Variants in TFIP11 observed in about 807,000 individuals in gnomAD.
TFIP11 encodes the protein tuftelin interacting protein 11.
TFIP11 carries 86 observed loss-of-function variants against 96.8 expected under a neutral mutation model. The observed-to-expected ratio is 0.89, with a 90% CI of 0.75 to 1.06. The LOEUF is 1.06. Among genes scored for constraint, TFIP11 ranks in the 50% least tolerant of loss-of-function variants. The probability of loss-of-function intolerance (pLI) is 0.00; values close to 1 mark genes in which losing one functional copy is unlikely to be tolerated. For missense variants in TFIP11, 881 were observed against 1,076.7 expected, an observed-to-expected ratio of 0.82 and a Z score of 2.54; for synonymous variants, 405 against 395.2, an observed-to-expected ratio of 1.02 and a Z score of -0.29.
chr22:26,496,207 C>G lies in TFIP11; in HGVS notation c.1715G>C (p.Ser572Thr). 1 of 1,614,008 alleles carries G rather than the reference C, an allele frequency of 6.2e-7. No individual in the cohort carries two copies. The highest frequency in any genetic ancestry group is 1.3e-5 in the African/African-American group (1 of 75,040). ...CTTCTGCAGGGCGCTGGACAGCTTA[C>G]TACGGATGGGGGAATAGAGTGGCTC... is the stretch of plus-strand genomic sequence containing the variant. ...RLEPLYSPIRSKLSSALQKWH... is the reference protein window; with the variant it reads ...RLEPLYSPIRTKLSSALQKWH... The change falls in exon 12 of 15, where the codon AGT (serine) becomes ACT (threonine). Residue 572 changes from serine (S) to threonine (T), a missense_variant. Ser to Thr is a moderately conservative substitution (Grantham distance 58, BLOSUM62 1). Coordinates refer to ENST00000407690, the MANE Select transcript of TFIP11 (RefSeq NM_012143.4).
intron 11 of TFIP11, 141 bp from the exon 12 acceptor site, chr22:26,496,457 A>AT: frequency 8.4e-7 from 1 of 1,189,818 alleles, no homozygotes; most frequent in Non-Finnish European, 1.2e-6. Context: ...TTGCCAAACA[A>AT]ATATGCCCAT....
chr22:26,498,500 G>A (rs1465914046), intron 10 of TFIP11, among the ~76,000 whole-genome samples: 4 of 141,792 alleles, frequency 2.8e-5, no homozygotes, highest in Admixed American at 7.5e-5. Flanking sequence ...CTGCGATCAC[G>A]CCACTGCACT....
At chr22:26,509,495 T>C (rs1923798671) in intron 4 of TFIP11, among the ~76,000 whole-genome samples, 1 of 152,218 alleles carries the variant, frequency 6.6e-6, no homozygotes, top group South Asian at 2.1e-4. Flanking sequence ...GTCTGGGCTC[T>C]AGGAAGGCAA....
intron 4 of TFIP11, among the ~76,000 whole-genome samples, chr22:26,508,349 A>G (rs568867154): frequency 3.9e-5 from 6 of 152,324 alleles, no homozygotes; most frequent in African/African-American, 1.4e-4. Flanking sequence ...TAAAATGGGG[A>G]CAATAATGGT....
chr22:26,504,354 CCT>C (rs1602219937), intron 6 of TFIP11, among the ~76,000 whole-genome samples: 2 of 152,102 alleles, frequency 1.3e-5, no homozygotes, highest in South Asian at 2.1e-4. Flanking sequence ...AAGACGTTCC[CCT>C]GACTCCAAAT....
rs201334248 is a variant in TFIP11 at position 26,499,261 on chromosome 22, C to T, written c.1172G>A (p.Cys391Tyr). 2 of 1,613,858 alleles carry T rather than the reference C, an allele frequency of 1.2e-6. No individual in the cohort carries two copies. Among genetic ancestry groups the T allele is most frequent in the East Asian group, 2.2e-5 (1 of 44,884 alleles). The change falls in exon 9 of 15, where the codon TGC becomes TAC. Residue 391 changes from cysteine to tyrosine, a missense_variant. Physicochemically the swap from Cys to Tyr is radical, Grantham distance 194 (BLOSUM62 -2). Transcript: ENST00000407690. ...EECERRMQPD[C>Y]SNPLTLDECA... ...CTCGTCCAGGGTGAGGGGGTTGCTG[C>T]AGTCGGGCTGCATCCGCCGCTCGCA... is the stretch of plus-strand genomic sequence containing the variant.
chr22:26,498,534 T>TC (rs1922347373), intron 10 of TFIP11, among the ~76,000 whole-genome samples: 1 of 110,450 alleles, frequency 9.1e-6, no homozygotes, highest in Non-Finnish European at 1.7e-5. Context: ...AGAGTGAGAC[T>TC]CCATCTCAAA....
chr22:26,494,225 G>A lies in TFIP11; in HGVS notation c.2072C>T (p.Ser691Leu), dbSNP rs1569155764. Reference protein sequence around the residue: ...KWYLGWKSMFSDQVLAHPSVK... With the variant: ...KWYLGWKSMFLDQVLAHPSVK... The stretch of plus-strand genomic sequence containing the variant: ...AGATGGATGTGCCAGCACTTGGTCT[G>A]AGAACATCGACTTCCAACCCAGGTA... Residue 691 changes from serine (S) to leucine (L), a missense_variant, in exon 14 of 15, where the codon TCA (serine) becomes TTA (leucine). By Grantham distance (145) the Ser-to-Leu change is moderately radical (BLOSUM62 -2). Coordinates refer to ENST00000407690, the MANE Select transcript of TFIP11 (RefSeq NM_012143.4). 5 of 1,614,246 alleles carry A rather than the reference G, an allele frequency of 3.1e-6. No homozygotes were observed. Among genetic ancestry groups the A allele is most frequent in the Non-Finnish European group, 4.2e-6 (5 of 1,180,042 alleles).
Position 26,496,144 on chromosome 22 carries a change from T to A in TFIP11, c.1778A>T (p.Gln593Leu). 1 of 1,613,930 alleles carries A rather than the reference T, an allele frequency of 6.2e-7. No homozygotes were observed. The highest frequency in any genetic ancestry group is 8.5e-7 in the Non-Finnish European group (1 of 1,180,018). The change falls in exon 12 of 15, where the codon CAG (glutamine) becomes CTG (leucine). Residue 593 changes from glutamine to leucine, a missense_variant. Transcript: ENST00000407690. ...PSDSSAKLILQPWKDVFTPGS... is the reference protein window; with the variant it reads ...PSDSSAKLILLPWKDVFTPGS... Reference sequence around the variant, plus strand: ...AGGAGTGAAGACATCCTTCCAGGGCTGGAGGATGAGCTTGGCAGAGGAGTC... The same window carrying A: ...AGGAGTGAAGACATCCTTCCAGGGCAGGAGGATGAGCTTGGCAGAGGAGTC...
chr22:26,502,234 C>A, intron 7 of TFIP11, 182 bp from the exon 8 acceptor site: 1 of 658,840 alleles, frequency 1.5e-6, no homozygotes, highest in Non-Finnish European at 2.5e-6. Context: ...ACTCCTTGAC[C>A]CCATTCGCCC....
chr22:26,494,022 G>C (rs375844287), intron 14 of TFIP11, 117 bp downstream of exon 14: 10 of 1,191,184 alleles, frequency 8.4e-6, no homozygotes, highest in African/African-American at 4.6e-5. Context: ...ATGTGCAAAA[G>C]TGTGACCTAA....
rs1238566452 is a variant in TFIP11, at chr22:26,492,212, T to C, written c.2315A>G (p.Asn772Ser). The change falls in exon 15 of 15, where the codon AAC (asparagine) becomes AGC (serine). Residue 772 changes from asparagine to serine, a missense_variant. By Grantham distance (46) the Asn-to-Ser change is conservative. Transcript: ENST00000407690. ...IGVAASSVPM[N>S]FKDLIETKAE... ...CTTGGTCTCAATGAGGTCCTTAAAG[T>C]TCATGGGCACAGAGCTAGCGGCCAC... 1 of 1,614,112 alleles carries C rather than the reference T, an allele frequency of 6.2e-7. No homozygotes were observed. The highest frequency in any genetic ancestry group is 8.5e-7 in the Non-Finnish European group (1 of 1,180,036).
At chr22:26,495,440 G>T (rs1385203098) in intron 12 of TFIP11, among the ~76,000 whole-genome samples, 1 of 151,482 alleles carries the variant, frequency 6.6e-6, no homozygotes, top group Admixed American at 6.6e-5. Flanking sequence ...ACCACACCTG[G>T]CTGGTTTGTA....
intron 10 of TFIP11, among the ~76,000 whole-genome samples, 189 bp from the exon 11 acceptor site, chr22:26,497,078 C>T (rs1294427493): frequency 2.0e-5 from 3 of 152,184 alleles, no homozygotes; most frequent in Admixed American, 6.5e-5. Context: ...TCTTGACTCT[C>T]CTCTCAATCT....
At chr22:26,495,036 A>T in intron 12 of TFIP11, 97 bp from the exon 13 acceptor site, 1 of 1,531,656 alleles carries the variant, frequency 6.5e-7, no homozygotes, top group Non-Finnish European at 8.8e-7. Context: ...ATCTCAGCTT[A>T]CAGCAACCTC....
rs751412902 is a variant in TFIP11 at position 26,496,724 on chromosome 22, C to T, written c.1602G>A (p.Lys534=). The T allele has an allele frequency of 5.6e-6, 9 of 1,613,756 alleles. No homozygotes were observed. The highest frequency in any genetic ancestry group is 7.6e-6 in the Non-Finnish European group (9 of 1,179,784). Residue 534 remains lysine (K), a synonymous_variant, in exon 11 of 15, where the codon AAG becomes AAA. Transcript: ENST00000407690. ...TTTCCCATGACTCTCATCCCACCTC[C>T]TTTTGCAGCTTGGGGAAGATGAGTT... is the stretch of plus-strand genomic sequence containing the variant. ...LDQLIFPKLQ[K]EVENWNPLTD... is the part of the protein sequence containing the mutation.
intron 7 of TFIP11, among the ~76,000 whole-genome samples, chr22:26,502,306 A>T (rs1167047026): frequency 2.0e-5 from 3 of 152,214 alleles, no homozygotes; most frequent in Admixed American, 1.3e-4. Flanking sequence ...ACAAAAATAA[A>T]GATAAACGAA....
chr22:26,506,703 G>C, intron 5 of TFIP11, 72 bp downstream of exon 5: 2 of 1,569,742 alleles, frequency 1.3e-6, no homozygotes, highest in Non-Finnish European at 1.7e-6. Context: ...TTTCTCCCTG[G>C]CTAGAAAATG....
rs569185412 is a variant in TFIP11, at chr22:26,499,487, C to A, written c.946G>T (p.Ala316Ser). ...SGKEAKAPGF[A>S]LPELEHNLQL... is the part of the protein sequence containing the mutation. The stretch of plus-strand genomic sequence containing the variant: ...AGGTTGTGCTCCAGCTCGGGCAGCG[C>A]GAAGCCGGGGGCCTTGGCCTCTTTG... The change falls in exon 9 of 15, where the codon GCG becomes TCG. Residue 316 changes from alanine to serine, a missense_variant. Ala to Ser is a moderately conservative substitution (Grantham distance 99). Coordinates refer to ENST00000407690, the MANE Select transcript of TFIP11 (RefSeq NM_012143.4). 1.2e-6 allele frequency: 2 copies of A among 1,614,068 alleles called. No homozygotes were observed. The highest frequency in any genetic ancestry group is 2.2e-5 in the East Asian group (1 of 44,906).
Sources: gnomAD v4.1 joint callset for allele counts (sites outside exome capture counted in the v4.1 genomes callset) on GRCh38, gnomAD v4.1.1 for gene constraint, MANE v1.5 for transcripts, NCBI Gene and HGNC (gene_info 2026-07-23, HGNC 2026-07-21) for gene names.